CMIP: variants seen among roughly 807,000 people sequenced by gnomAD.
The protein encoded by CMIP is c-Maf inducing protein.
In CMIP, 13 loss-of-function variants were observed where a neutral mutation model predicts 97.3. The ratio of observed to expected loss-of-function variants is 0.13; its 90% CI spans 0.09 to 0.21. CMIP has a LOEUF of 0.21. Ranked by LOEUF, CMIP falls within the 10% of genes least tolerant of loss-of-function variation. CMIP has a pLI of 1.00. For missense variants in CMIP, 847 were observed against 1,024.9 expected (o/e 0.83, Z 2.37); for synonymous variants, 538 against 436.3 (o/e 1.23, Z -2.91).
intron 1 of CMIP, chr16:81,520,491 A>G (rs1215271494): frequency 6.6e-6 from 1 of 150,508 alleles, no homozygotes; most frequent in Non-Finnish European, 1.5e-5. Context: ...ATTTGAGCCC[A>G]GGAGTTCAAG....
chr16:81,504,662 A>AAAAAAG, intron 1 of CMIP, among the ~76,000 whole-genome samples: 1 of 142,528 alleles, frequency 7.0e-6, no homozygotes, highest in Admixed American at 7.2e-5. Context: ...AAAAAAAAAA[A>AAAAAAG]AAAAGAAAAG....
At chr16:81,503,461 A>G (rs757462561) in intron 1 of CMIP, among the ~76,000 whole-genome samples, 2 of 152,088 alleles carry the variant, frequency 1.3e-5, no homozygotes, top group African/African-American at 2.4e-5. Context: ...AGTGGCAACA[A>G]TTATGGCTTA....
rs116795534 is a variant in CMIP at position 81,498,998 on chromosome 16, A to G, written c.300+53457A>G. ...CTGAGTGCTTTACAAATTCAAATGT[A>G]TTTAATCCCCCTATCAACACTAGGA... is the stretch of plus-strand genomic sequence containing the variant. On this transcript the variant is annotated intron_variant, in intron 1 of 20. Transcript: ENST00000537098. 6.9e-3 allele frequency among the ~76,000 whole-genome samples: 1,051 copies of G among 152,322 alleles called. 6 individuals carry two copies. The highest frequency in any genetic ancestry group is 0.024 in the African/African-American group (1,016 of 41,570).
chr16:81,588,556 C>A lies in CMIP; in HGVS notation c.301-19011C>A, dbSNP rs111680697. Among the ~76,000 whole-genome samples, 39 of 152,292 alleles carry A rather than the reference C, an allele frequency of 2.6e-4. 1 individual carries two copies. The highest frequency in any genetic ancestry group is 9.1e-4 in the African/African-American group (38 of 41,570). ...TGTCGGTGTGACAATTACATCATTA[C>A]CTACTTCTTCTGAAATGACATGGCC... On this transcript the variant is annotated intron_variant, in intron 1 of 20. Transcript: ENST00000537098.
At chr16:81,472,641 C>T (rs945726725) in intron 1 of CMIP, among the ~76,000 whole-genome samples, 1 of 152,194 alleles carries the variant, frequency 6.6e-6, no homozygotes, top group Admixed American at 6.5e-5. Context: ...ACCAGAGCCC[C>T]TTCAGAGGTG....
chr16:81,562,989 C>T (rs2090913839), intron 1 of CMIP, among the ~76,000 whole-genome samples: 1 of 152,176 alleles, frequency 6.6e-6, no homozygotes, highest in African/African-American at 2.4e-5. Context: ...CCGAGGGTTA[C>T]ACAGTTTTGA....
chr16:81,536,577 C>T (rs993444367), intron 1 of CMIP, among the ~76,000 whole-genome samples: 9 of 152,184 alleles, frequency 5.9e-5, no homozygotes, highest in Non-Finnish European at 1.0e-4. Context: ...CCGGAACCTT[C>T]TTTCTATAAA....
At chr16:81,673,064 T>C (rs1411829279) in intron 9 of CMIP, among the ~76,000 whole-genome samples, 2 of 152,138 alleles carry the variant, frequency 1.3e-5, no homozygotes, top group African/African-American at 4.8e-5. Flanking sequence ...GGGTAGCAAG[T>C]GACCGGAAGA....
intron 3 of CMIP, chr16:81,632,163 C>A (rs558528286): frequency 2.9e-4 from 44 of 152,228 alleles, no homozygotes. Flanking sequence ...CCCAGAAGAT[C>A]TCCTCGCGCC....
intron 13 of CMIP, among the ~76,000 whole-genome samples, chr16:81,694,783 G>A (rs575926067): frequency 2.0e-5 from 3 of 152,288 alleles, no homozygotes; most frequent in South Asian, 2.1e-4. Flanking sequence ...CTGAAAAACC[G>A]AGTTCTGGAG....
intron 1 of CMIP, among the ~76,000 whole-genome samples, chr16:81,533,013 C>T (rs1287991107): frequency 2.0e-5 from 3 of 152,148 alleles, no homozygotes; most frequent in African/African-American, 7.2e-5. Context: ...CCACACGCTC[C>T]CTCGCTTCCC....
At chr16:81,707,135 A>C (rs998677045) in intron 20 of CMIP, 51 bp downstream of exon 20, 1 of 1,499,262 alleles carries the variant, frequency 6.7e-7, no homozygotes, top group African/African-American at 1.4e-5. Context: ...TCTAGCCAGC[A>C]TCTGGATGCT....
chr16:81,515,403 C>G (rs778826156), intron 1 of CMIP, among the ~76,000 whole-genome samples: 2 of 152,076 alleles, frequency 1.3e-5, no homozygotes, highest in African/African-American at 4.8e-5. Context: ...ACGTGTGTGG[C>G]GATGTAAGGA....
At chr16:81,597,979 C>T (rs1046217422) in intron 1 of CMIP, among the ~76,000 whole-genome samples, 3 of 151,934 alleles carry the variant, frequency 2.0e-5, no homozygotes, top group Admixed American at 6.6e-5. Flanking sequence ...TTCATGAATT[C>T]AGTCCTTAGG....
Position 81,651,021 on chromosome 16 carries a change from G to A in CMIP, c.478-1182G>A, listed in dbSNP as rs557789209. Among the ~76,000 whole-genome samples, 7 of 152,278 alleles carry A rather than the reference G, an allele frequency of 4.6e-5. No homozygotes were observed. In the South Asian group the frequency reaches 1.2e-3, roughly 27 times the overall value. ...CTAGCTCAGAAACTCAGCGGTCAGG[G>A]AGGCTCTGGCAGCTTCTAAGTTTCT... is the stretch of plus-strand genomic sequence containing the variant. On this transcript the variant is annotated intron_variant, in intron 3 of 20. Coordinates refer to ENST00000537098, the MANE Select transcript of CMIP (RefSeq NM_198390.3).
At chr16:81,617,445 C>T (rs1035593410) in intron 2 of CMIP, 2 of 152,356 alleles carry the variant, frequency 1.3e-5, no homozygotes, top group African/African-American at 4.8e-5. Flanking sequence ...TGGGCAAGAA[C>T]CTCTGCCTGG....
chr16:81,470,944 G>T (rs746086916), intron 1 of CMIP, among the ~76,000 whole-genome samples: 1 of 152,180 alleles, frequency 6.6e-6, no homozygotes, highest in Non-Finnish European at 1.5e-5. Flanking sequence ...ATACACATAG[G>T]CACACACATA....
chr16:81,570,832 C>T (rs965853227), intron 1 of CMIP, among the ~76,000 whole-genome samples: 4 of 152,104 alleles, frequency 2.6e-5, no homozygotes, highest in African/African-American at 9.7e-5. Flanking sequence ...TGATCAGGAC[C>T]TCTGTTTCCA....
intron 1 of CMIP, among the ~76,000 whole-genome samples, chr16:81,523,423 G>C (rs1261873891): frequency 2.6e-5 from 4 of 152,200 alleles, no homozygotes; most frequent in Non-Finnish European, 4.4e-5. Flanking sequence ...TCACACAGAA[G>C]GACGTGGGGC....
Sources: gnomAD v4.1 joint callset for allele counts (sites outside exome capture counted in the v4.1 genomes callset) on GRCh38, gnomAD v4.1.1 for gene constraint, MANE v1.5 for transcripts, NCBI Gene and HGNC (gene_info 2026-07-23, HGNC 2026-07-21) for gene names.